The following CNTLN variants were observed in gnomAD, a reference collection of about 807,000 sequenced individuals.
CNTLN encodes the protein centlein, also known as centlein, centrosomal protein.
Under a neutral mutation model 180.0 loss-of-function variants are expected in CNTLN, and 212 were observed. The observed-to-expected ratio is 1.18, with a 90% CI of 1.05 to 1.32. The LOEUF (loss-of-function observed/expected upper bound fraction) is 1.32, where lower values mean the gene tolerates loss of function less well. CNTLN is among the 40% of genes most tolerant of loss of function. The pLI is 0.00. For synonymous variants in CNTLN, 722 were observed against 563.1 expected (o/e 1.28, Z -3.99); for missense variants, 2,095 against 1,610.9 (o/e 1.30, Z -5.14).
At chr9:17,374,533 A>G (rs775554380) in intron 13 of CNTLN, among the ~76,000 whole-genome samples, 3 of 152,196 alleles carry the variant, frequency 2.0e-5, no homozygotes, top group Admixed American at 6.5e-5. Flanking sequence ...AATTAGTACA[A>G]CTACTATGGA....
At chr9:17,370,280 G>C (rs1824202970) in intron 13 of CNTLN, among the ~76,000 whole-genome samples, 1 of 152,118 alleles carries the variant, frequency 6.6e-6, no homozygotes. Context: ...AAGGGTCAAG[G>C]ATAAAGAAAG....
chr9:17,263,127 G>T (rs1827134011), intron 5 of CNTLN, among the ~76,000 whole-genome samples: 1 of 150,068 alleles, frequency 6.7e-6, no homozygotes, highest in Non-Finnish European at 1.5e-5. Flanking sequence ...GTGCCATGTT[G>T]GTGTGCTGCA....
chr9:17,408,868 C>T (rs1249853780), intron 15 of CNTLN, among the ~76,000 whole-genome samples: 1 of 151,116 alleles, frequency 6.6e-6, no homozygotes, highest in African/African-American at 2.4e-5. Flanking sequence ...TGATAAATAG[C>T]CATAAGGGAT....
At chr9:17,266,783 C>G (rs1412167153) in intron 5 of CNTLN, among the ~76,000 whole-genome samples, 1 of 152,054 alleles carries the variant, frequency 6.6e-6, no homozygotes, top group African/African-American at 2.4e-5. Context: ...ATCCCTTTAC[C>G]ATTATGTAAT....
rs1554719646 is a variant in CNTLN, at chr9:17,433,033, A to AC, written c.3114+16844_3114+16845insC. ...AAGACTCTGTCTCAAAAAAAAAAAA[A>AC]AAAAACAAAGATTAGGAACAGAAAA... On this transcript the variant is annotated intron_variant, in intron 18 of 25. Transcript: ENST00000380647. Among the ~76,000 whole-genome samples the AC allele has an allele frequency of 1.7e-3, 248 of 150,216 alleles. 3 individuals are homozygous for AC. Among genetic ancestry groups the AC allele is most frequent in the African/African-American group, 5.7e-3 (235 of 40,914 alleles).
At chr9:17,167,685 C>G (rs1006093483) in intron 2 of CNTLN, 5 of 152,176 alleles carry the variant, frequency 3.3e-5, no homozygotes. Flanking sequence ...GTCAGCTAAA[C>G]AGTGAGGTTG....
intron 23 of CNTLN, among the ~76,000 whole-genome samples, chr9:17,483,116 T>TC (rs1832729948): frequency 6.6e-6 from 1 of 152,014 alleles, no homozygotes; most frequent in South Asian, 2.1e-4. Flanking sequence ...ATAATTGAAA[T>TC]ATATACAATA....
chr9:17,501,004 A>T (rs1299902947), intron 25 of CNTLN, among the ~76,000 whole-genome samples: 1 of 152,170 alleles, frequency 6.6e-6, no homozygotes, highest in Non-Finnish European at 1.5e-5. Context: ...AACTGATCAT[A>T]TTCTTTTTGC....
chr9:17,367,556 C>T (rs1327578096), intron 13 of CNTLN, among the ~76,000 whole-genome samples: 1 of 152,134 alleles, frequency 6.6e-6, no homozygotes, highest in Non-Finnish European at 1.5e-5. Flanking sequence ...CAACCCTTGG[C>T]AGCACAGCTC....
rs1825104463 is a variant in CNTLN, at chr9:17,235,738, G to T, written c.615G>T (p.Arg205Ser). ...TAGATGAAGAAAATGCTTTCTTAAG[G>T]AAAGAATTCAGTGACTTGGAGAAGA... ...IAVDEENAFL[R>S]KEFSDLEKKF... Residue 205 changes from arginine (R) to serine (S), a missense_variant, in exon 4 of 26, where the codon AGG becomes AGT. Coordinates refer to ENST00000380647, the MANE Select transcript of CNTLN (RefSeq NM_017738.4). 2 of 1,606,234 alleles carry T rather than the reference G, an allele frequency of 1.2e-6. No homozygotes were observed. Among genetic ancestry groups the T allele is most frequent in the Admixed American group, 3.4e-5 (2 of 58,594 alleles).
chr9:17,317,796 G>A (rs1343485504), intron 8 of CNTLN, among the ~76,000 whole-genome samples: 1 of 152,144 alleles, frequency 6.6e-6, no homozygotes, highest in Admixed American at 6.5e-5. Context: ...CTAGTAAGGA[G>A]GCGAGTGTGG....
intron 5 of CNTLN, among the ~76,000 whole-genome samples, chr9:17,248,394 C>A (rs1478519726): frequency 6.6e-6 from 1 of 151,870 alleles, no homozygotes; most frequent in African/African-American, 2.4e-5. Context: ...ATTTTGATAA[C>A]TGATTCAGTC....
At chr9:17,292,029 A>G (rs1287177994) in intron 6 of CNTLN, among the ~76,000 whole-genome samples, 1 of 152,180 alleles carries the variant, frequency 6.6e-6, no homozygotes, top group Non-Finnish European at 1.5e-5. Context: ...GCTTCTCTGA[A>G]AAGTATTTTA....
downstream of CNTLN, among the ~76,000 whole-genome samples, chr9:17,508,890 T>C (rs1357639248): frequency 1.3e-5 from 2 of 152,194 alleles, no homozygotes; most frequent in Non-Finnish European, 2.9e-5. Context: ...AAAAATTGGT[T>C]ACAATGAAAT....
At chr9:17,469,335 G>A (rs2134228708) in intron 23 of CNTLN, among the ~76,000 whole-genome samples, 2 of 151,768 alleles carry the variant, frequency 1.3e-5, no homozygotes, top group African/African-American at 4.8e-5. Context: ...GTGTCTTAGT[G>A]CCAACATATA....
intron 5 of CNTLN, among the ~76,000 whole-genome samples, chr9:17,265,475 T>G (rs975164287): frequency 6.6e-6 from 1 of 150,796 alleles, no homozygotes; most frequent in African/African-American, 2.5e-5. Context: ...ACATCAATGT[T>G]CATCAAGGAT....
intron 5 of CNTLN, among the ~76,000 whole-genome samples, chr9:17,267,291 C>G (rs1413757705): frequency 6.6e-6 from 1 of 152,076 alleles, no homozygotes; most frequent in East Asian, 1.9e-4. Context: ...TTCTCCTTCA[C>G]TTATGAAGGT....
intron 5 of CNTLN, among the ~76,000 whole-genome samples, chr9:17,259,979 G>C (rs1451333074): frequency 3.6e-5 from 5 of 137,850 alleles, no homozygotes; most frequent in Non-Finnish European, 7.6e-5. Context: ...ATTTCCTTCA[G>C]TTCAGCTCTG....
intron 2 of CNTLN, among the ~76,000 whole-genome samples, chr9:17,213,154 T>A (rs1487883321): frequency 6.6e-6 from 1 of 152,210 alleles, no homozygotes; most frequent in Non-Finnish European, 1.5e-5. Context: ...TGCTAGGGTG[T>A]CAATTTTAGA....
Sources: gnomAD v4.1 joint callset for allele counts (sites outside exome capture counted in the v4.1 genomes callset) on GRCh38, gnomAD v4.1.1 for gene constraint, MANE v1.5 for transcripts, NCBI Gene and HGNC (gene_info 2026-07-23, HGNC 2026-07-21) for gene names.